The following STK35 variants were observed in gnomAD, a reference collection of about 807,000 sequenced individuals.
The protein encoded by STK35 is serine/threonine kinase 35.
A neutral mutation model predicts 37.3 loss-of-function variants in STK35; 17 were observed. That is an observed-to-expected ratio of 0.46 (90% CI 0.31 to 0.68). The LOEUF is 0.68. STK35 is among the 30% of genes least tolerant of loss of function. STK35 has a pLI of 0.05. For missense variants in STK35, 595 were observed against 746.7 expected, an observed-to-expected ratio of 0.80 and a Z score of 2.37; for synonymous variants, 385 against 319.1, an observed-to-expected ratio of 1.21 and a Z score of -2.20.
intron 3 of STK35, among the ~76,000 whole-genome samples, chr20:2,128,169 C>T (rs953495706): frequency 4.6e-5 from 7 of 152,178 alleles, no homozygotes; most frequent in African/African-American, 1.7e-4. Flanking sequence ...TGTATCAGCT[C>T]TCCAGGTGAT....
At chr20:2,103,960 C>T (rs548657749) in intron 2 of STK35, among the ~76,000 whole-genome samples, 1 of 152,290 alleles carries the variant, frequency 6.6e-6, no homozygotes, top group Non-Finnish European at 1.5e-5. Flanking sequence ...CTGAGGGGTG[C>T]AGGCTGACAA....
intron 3 of STK35, among the ~76,000 whole-genome samples, chr20:2,122,469 T>A: frequency 6.6e-6 from 1 of 152,214 alleles, no homozygotes; most frequent in South Asian, 2.1e-4. Flanking sequence ...TTCAGTTTTT[T>A]TGCAAAAATA....
At chr20:2,139,634 G>A (rs56131480) in intron 3 of STK35, among the ~76,000 whole-genome samples, 3,306 of 152,196 alleles carry the variant, frequency 0.022, 120 homozygotes, top group African/African-American at 0.071. Flanking sequence ...CGAGGGGGAC[G>A]ATAACCCCTA....
intron 2 of STK35, among the ~76,000 whole-genome samples, chr20:2,109,357 C>T (rs1034713614): frequency 2.6e-5 from 4 of 152,338 alleles, no homozygotes; most frequent in African/African-American, 9.6e-5. Flanking sequence ...AGGGGTACCC[C>T]AACTCTCTGC....
intron 3 of STK35, among the ~76,000 whole-genome samples, chr20:2,138,327 A>G (rs1383753211): frequency 1.3e-5 from 2 of 152,196 alleles, no homozygotes; most frequent in Non-Finnish European, 2.9e-5. Context: ...ATACCCTAAG[A>G]ACCAAAATGA....
chr20:2,106,596 AG>A (rs1985520090), intron 2 of STK35, among the ~76,000 whole-genome samples: 1 of 152,238 alleles, frequency 6.6e-6, no homozygotes. Flanking sequence ...AAAGAGAATC[AG>A]GAGTTAGGGA....
At chr20:2,122,739 C>A (rs548537874) in intron 3 of STK35, among the ~76,000 whole-genome samples, 2 of 152,274 alleles carry the variant, frequency 1.3e-5, no homozygotes, top group East Asian at 3.9e-4. Flanking sequence ...AATACAGTAG[C>A]ATTGTTTAGA....
intron 3 of STK35, among the ~76,000 whole-genome samples, chr20:2,126,689 TCTC>T (rs1985912336): frequency 6.6e-6 from 1 of 152,134 alleles, no homozygotes; most frequent in Non-Finnish European, 1.5e-5. Flanking sequence ...GAAATGGAGA[TCTC>T]CTCCAGCGTT....
Position 2,138,422 on chromosome 20 carries a change from A to G in STK35, c.*38-5362A>G, listed in dbSNP as rs534430232. ...CCATGACAGGCAATTTACTTGAAGA[A>G]TTCTTCACTCTTCACAGCAGGCCCC... On this transcript the variant is annotated intron_variant, in intron 3 of 3. Transcript: ENST00000381482. Among the ~76,000 whole-genome samples the G allele has an allele frequency of 7.2e-5, 11 of 152,306 alleles. 1 individual carries two copies. In the South Asian group the frequency reaches 2.3e-3, roughly 32 times the overall value.
At chr20:2,111,578 A>G (rs1539191) in intron 2 of STK35, among the ~76,000 whole-genome samples, 78,916 of 151,590 alleles carry the variant, frequency 0.52, 21,348 homozygotes, top group East Asian at 0.94. Context: ...CATGGTTGTA[A>G]TCCCCACTAC....
At chr20:2,122,986 T>C (rs1985845294) in intron 3 of STK35, among the ~76,000 whole-genome samples, 1 of 152,208 alleles carries the variant, frequency 6.6e-6, no homozygotes, top group Non-Finnish European at 1.5e-5. Context: ...TAATAATTCC[T>C]AATGGCTCCT....
intron 2 of STK35, 43 bp from the exon 3 acceptor site, chr20:2,116,621 CTG>C (rs761693230): frequency 5.1e-6 from 8 of 1,561,798 alleles, no homozygotes; most frequent in South Asian, 3.5e-5. Context: ...AGAAGTGTGA[CTG>C]TGTCCATCTC....
rs554737216 is a variant in STK35 at position 2,143,421 on chromosome 20, G to T, written c.*38-363G>T. On this transcript the variant is annotated intron_variant, in intron 3 of 3. Coordinates refer to ENST00000381482, the MANE Select transcript of STK35 (RefSeq NM_080836.4). ...GCATGAGTGGAAGCAGTGCTGGCAA[G>T]GTCTGTGGGGACAGACTATCCAGGG... 1.4e-4 allele frequency among the ~76,000 whole-genome samples: 22 copies of T among 152,300 alleles called. No homozygotes were observed. In the South Asian group the frequency reaches 4.4e-3, roughly 30 times the overall value.
intron 3 of STK35, among the ~76,000 whole-genome samples, chr20:2,123,598 G>C (rs1230771798): frequency 6.6e-6 from 1 of 152,188 alleles, no homozygotes; most frequent in Non-Finnish European, 1.5e-5. Context: ...ACACGCAACT[G>C]TGTTGTTACG....
At chr20:2,108,370 C>T (rs151293790) in intron 2 of STK35, among the ~76,000 whole-genome samples, 62 of 152,090 alleles carry the variant, frequency 4.1e-4, no homozygotes, top group African/African-American at 1.3e-3. Context: ...ATCAGCTGGG[C>T]GTGGTGGCGG....
rs1238158864 is a variant in STK35 at position 2,101,831 on chromosome 20, A to C, written c.-51A>C. The C allele has an allele frequency of 1.3e-5, 17 of 1,260,194 alleles. No individual in the cohort carries two copies. 78.1% of individuals were successfully genotyped at this position (1,260,194 alleles called of 1,614,324 possible). A position where few individuals can be genotyped will look rare whatever the true frequency, so the allele number is the denominator to read the frequency against. On this transcript the variant is annotated 5_prime_UTR_variant, in exon 1 of 4. Transcript: ENST00000381482. ...GCGCTCGGCTGCGGCTGCTCCGTCG[A>C]CCTTTGCAGGACCGGGCGGTGCAGG...
Position 2,146,241 on chromosome 20 carries a change from CCGTGGCTCAGCCCCG to C in STK35, c.*2496_*2510del, listed in dbSNP as rs1235351774. ...GGCTCCGCCGTGGTGAGAGAACTGG[CCGTGGCTCAGCCCCG>C]GGTAGCACCTGTAGTTTCAGTGCCA... is the stretch of plus-strand genomic sequence containing the variant. On this transcript the variant is annotated 3_prime_UTR_variant, in exon 4 of 4. Coordinates refer to ENST00000381482, the MANE Select transcript of STK35 (RefSeq NM_080836.4). The C allele has an allele frequency of 6.6e-6, 1 of 152,294 alleles. No homozygotes were observed. The highest frequency in any genetic ancestry group is 2.4e-5 in the African/African-American group (1 of 41,454). The allele number at this position is 152,294 out of a possible 1,614,324, so 9.4% of individuals were successfully genotyped here.
At position 2,116,650 on chromosome 20, in the gene STK35, GTCT is replaced by G. The variant is rs1009182436; in HGVS notation, c.893-11_893-9del. 1 of 1,604,284 alleles carries G rather than the reference GTCT, an allele frequency of 6.2e-7. No homozygotes were observed. Among genetic ancestry groups the G allele is most frequent in the African/African-American group, 1.3e-5 (1 of 74,528 alleles). On this transcript the variant is annotated splice_polypyrimidine_tract_variant and intron_variant, in intron 2 of 3. Coordinates refer to ENST00000381482, the MANE Select transcript of STK35 (RefSeq NM_080836.4). ...GTCCATCTCACTCAAGCTCCTTCCTGTCTTCTTTGATTTAGGAGAAAGGATCCT... is the reference window on the plus strand; with the variant it reads ...GTCCATCTCACTCAAGCTCCTTCCTGTCTTTGATTTAGGAGAAAGGATCCT...
At chr20:2,102,743 G>A in intron 1 of STK35, 25 bp from the exon 2 acceptor site, 1 of 1,401,850 alleles carries the variant, frequency 7.1e-7, no homozygotes, top group Non-Finnish European at 9.3e-7. Flanking sequence ...TGGCCTGGCC[G>A]TTTAACCGAT....
Sources: gnomAD v4.1 joint callset for allele counts (sites outside exome capture counted in the v4.1 genomes callset) on GRCh38, gnomAD v4.1.1 for gene constraint, MANE v1.5 for transcripts, NCBI Gene and HGNC (gene_info 2026-07-23, HGNC 2026-07-21) for gene names.